Variants in BRWD3 observed in about 807,000 individuals in gnomAD.
The protein encoded by BRWD3 is bromodomain and WD repeat-containing protein 3.
BRWD3 carries 10 observed loss-of-function variants against 149.7 expected under a neutral mutation model. The ratio of observed to expected loss-of-function variants is 0.07; its 90% CI spans 0.04 to 0.11. The LOEUF (loss-of-function observed/expected upper bound fraction) is 0.11, where lower values mean the gene tolerates loss of function less well. Ranked by LOEUF, BRWD3 falls within the 10% of genes least tolerant of loss-of-function variation. BRWD3 has a pLI of 1.00. For missense variants in BRWD3, 940 were observed against 1,373.2 expected, an observed-to-expected ratio of 0.68 and a Z score of 4.99; for synonymous variants, 504 against 456.7, an observed-to-expected ratio of 1.10 and a Z score of -1.32.
chrX:80,786,195 A>C (rs2147847227), intron 6 of BRWD3, among the ~76,000 whole-genome samples: 1 of 111,985 alleles, frequency 8.9e-6, no homozygotes, highest in African/African-American at 3.2e-5. Context: ...ACTTAAAATT[A>C]AATAAAATAA....
intron 17 of BRWD3, among the ~76,000 whole-genome samples, chrX:80,721,408 T>C (rs1450495187): frequency 8.9e-6 from 1 of 111,948 alleles, no homozygotes; most frequent in Non-Finnish European, 1.9e-5. Context: ...AGCACATGTG[T>C]AATACCATTT....
At chrX:80,793,838 C>A (rs1313725399) in intron 4 of BRWD3, 66 bp from the exon 5 acceptor site, 1 of 1,014,572 alleles carries the variant, frequency 9.9e-7, no homozygotes, top group African/African-American at 1.9e-5. Flanking sequence ...AAATCTATTC[C>A]ACTACTAAAT....
intron 6 of BRWD3, among the ~76,000 whole-genome samples, chrX:80,755,091 C>T (rs1376147405): frequency 1.8e-5 from 2 of 111,493 alleles, no homozygotes; most frequent in South Asian, 3.7e-4. Flanking sequence ...TTCCTTGATT[C>T]TGTTTATGTG....
At position 80,691,138 on chromosome X, in the gene BRWD3, T is replaced by C; in HGVS notation, c.3517A>G (p.Ser1173Gly). The C allele has an allele frequency of 8.3e-7, 1 of 1,207,669 alleles. No individual in the cohort carries two copies. The highest frequency in any genetic ancestry group is 1.1e-6 in the Non-Finnish European group (1 of 892,334). Reference protein sequence around the residue: ...ASPFAVPVDLSAYPLYCTVVA... With the variant: ...ASPFAVPVDLGAYPLYCTVVA... ...ACAGTACAATACAAGGGGTAGGCACTGAGATCCACTGGAACAGCAAAAGGG... is the reference window on the plus strand; with the variant it reads ...ACAGTACAATACAAGGGGTAGGCACCGAGATCCACTGGAACAGCAAAAGGG... The change falls in exon 31 of 41, where the codon AGT (serine) becomes GGT (glycine). Residue 1173 changes from serine to glycine, a missense_variant. By Grantham distance (56) the Ser-to-Gly change is moderately conservative. This residue lies in a region of BRWD3 where 158 missense variants were observed against 284.0 expected (regional missense o/e 0.56). Transcript: ENST00000373275.
At chrX:80,741,148 G>A (rs969649976) in intron 8 of BRWD3, among the ~76,000 whole-genome samples, 1 of 110,303 alleles carries the variant, frequency 9.1e-6, no homozygotes, top group Non-Finnish European at 1.9e-5. Context: ...CTATGAGTGA[G>A]AACATGCGGT....
At chrX:80,718,497 T>G (rs1008359320) in intron 18 of BRWD3, among the ~76,000 whole-genome samples, 6 of 111,814 alleles carry the variant, frequency 5.4e-5, no homozygotes, top group Admixed American at 1.9e-4. Flanking sequence ...TTAATGGATA[T>G]TTAAATCAGG....
intron 22 of BRWD3, among the ~76,000 whole-genome samples, chrX:80,705,195 G>C (rs760537371): frequency 1.8e-5 from 2 of 110,226 alleles, no homozygotes; most frequent in South Asian, 8.0e-4. Context: ...GAATCCAAGA[G>C]GCAGAGGTTG....
rs1275810974 is a variant in BRWD3 at position 80,809,035 on chromosome X, A to T, written c.98T>A (p.Val33Glu). 8.4e-7 allele frequency: 1 copy of T among 1,192,881 alleles called. No homozygotes were observed. The change falls in exon 3 of 41, where the codon GTG becomes GAG. Residue 33 changes from valine to glutamate, a missense_variant. Transcript: ENST00000373275. ...TACCTGATGCTCCTCGAGCTCCTGC[A>T]CTAGCACCTGAGCAAAAGGGAAACA... Reference protein sequence around the residue: ...GPCNKSAQVLVQELEEHQLIP... With the variant: ...GPCNKSAQVLEQELEEHQLIP...
intron 6 of BRWD3, among the ~76,000 whole-genome samples, chrX:80,786,904 A>C (rs2074113948): frequency 3.6e-5 from 4 of 111,882 alleles, no homozygotes. Flanking sequence ...CAAAATCAGA[A>C]AGGAAAAAGT....
intron 14 of BRWD3, among the ~76,000 whole-genome samples, chrX:80,726,421 C>T (rs2073250131): frequency 9.1e-6 from 1 of 109,682 alleles, no homozygotes; most frequent in African/African-American, 3.3e-5. Flanking sequence ...GTTTATATGC[C>T]TCATAAAGGA....
At chrX:80,790,601 G>C (rs1412082054) in intron 6 of BRWD3, among the ~76,000 whole-genome samples, 1 of 110,644 alleles carries the variant, frequency 9.0e-6, no homozygotes, top group African/African-American at 3.3e-5. Flanking sequence ...TACAAAACCA[G>C]CAGAAGTTTG....
At chrX:80,801,321 A>G (rs1410961139) in intron 4 of BRWD3, among the ~76,000 whole-genome samples, 1 of 101,190 alleles carries the variant, frequency 9.9e-6, no homozygotes. Flanking sequence ...TCCAAATTCA[A>G]TGGATTCTCC....
At chrX:80,783,614 C>A (rs2074079138) in intron 6 of BRWD3, among the ~76,000 whole-genome samples, 1 of 110,776 alleles carries the variant, frequency 9.0e-6, no homozygotes, top group Non-Finnish European at 1.9e-5. Flanking sequence ...GAAGAGATAT[C>A]TGCACTCCCA....
chrX:80,772,018 T>G (rs752126453), intron 6 of BRWD3, among the ~76,000 whole-genome samples: 1 of 111,713 alleles, frequency 9.0e-6, no homozygotes, highest in Non-Finnish European at 1.9e-5. Flanking sequence ...ACACTGTTGG[T>G]GGGAGTGTAA....
At position 80,696,688 on chromosome X, in the gene BRWD3, T is replaced by C. The variant is rs754127701; in HGVS notation, c.3068+51A>G. The C allele has an allele frequency of 2.3e-5, 27 of 1,174,037 alleles. No individual in the cohort carries two copies. The South Asian group carries it at 4.5e-4, about 19-fold the overall frequency. On this transcript the variant is annotated intron_variant, in intron 26 of 40. Transcript: ENST00000373275. ...GAGCACTGTACTCTAAAATATACAA[T>C]AGGTATTAAAATACACACACTCAAA...
At chrX:80,725,683 A>G (rs1049705577) in intron 14 of BRWD3, among the ~76,000 whole-genome samples, 2 of 112,533 alleles carry the variant, frequency 1.8e-5, no homozygotes, top group Non-Finnish European at 3.8e-5. Context: ...ATAACATATA[A>G]CATGTTTACA....
chrX:80,791,313 C>T (rs1226683690), intron 6 of BRWD3, among the ~76,000 whole-genome samples: 4 of 111,308 alleles, frequency 3.6e-5, no homozygotes, highest in Non-Finnish European at 5.7e-5. Context: ...TGAGGGCGAA[C>T]TTTAATATAA....
In BRWD3 at chrX:80,809,270, A is replaced by C. The variant is rs760636883; in HGVS notation, c.66T>G (p.Ser22=). ...LYYLIARFLQ[S]GPCNKSAQVL... is the part of the protein sequence containing the mutation. ...CCTGAGCGGATTTGTTGCAGGGTCCAGACTGCAAGAACCTAGCGATCAGGT... is the reference window on the plus strand; with the variant it reads ...CCTGAGCGGATTTGTTGCAGGGTCCCGACTGCAAGAACCTAGCGATCAGGT... Residue 22 remains serine, a synonymous_variant, in exon 2 of 41, where the codon TCT becomes TCG. Transcript: ENST00000373275. 1 of 1,199,139 alleles carries C rather than the reference A, an allele frequency of 8.3e-7. No individual in the cohort carries two copies. Among genetic ancestry groups the C allele is most frequent in the South Asian group, 1.8e-5 (1 of 55,174 alleles).
chrX:80,799,989 G>A (rs1210029805), intron 4 of BRWD3, among the ~76,000 whole-genome samples: 2 of 111,243 alleles, frequency 1.8e-5, no homozygotes, highest in Non-Finnish European at 3.8e-5. Flanking sequence ...TCTTAGAGGA[G>A]CAAACAAAAT....
Sources: allele counts gnomAD v4.1 joint callset (sites outside exome capture counted in the v4.1 genomes callset), GRCh38; gene constraint gnomAD v4.1.1; regional missense constraint gnomAD v4.1.1; transcripts MANE v1.5; gene names NCBI Gene and HGNC (gene_info 2026-07-23, HGNC 2026-07-21).